RLBP1: variants seen among roughly 807,000 people sequenced by gnomAD.
The protein encoded by RLBP1 is retinaldehyde binding protein 1, also known as retinaldehyde-binding protein 1.
A neutral mutation model predicts 36.2 loss-of-function variants in RLBP1; 26 were observed. The observed-to-expected ratio is 0.72, with a 90% CI of 0.53 to 1.00. The LOEUF (loss-of-function observed/expected upper bound fraction) is 1.00. RLBP1 is among the 50% of genes least tolerant of loss of function. RLBP1 has a pLI of 0.00. For synonymous variants in RLBP1, 155 were observed against 156.2 expected (o/e 0.99, Z 0.06); for missense variants, 410 against 402.4 (o/e 1.02, Z -0.16).
intron 2 of RLBP1, 132 bp from the exon 3 acceptor site, chr15:89,219,207 T>A: frequency 1.6e-6 from 1 of 613,448 alleles, no homozygotes; most frequent in Admixed American, 2.6e-5. Flanking sequence ...TGATTCTGAC[T>A]CTGCAGGTGC....
At position 89,215,893 on chromosome 15, in the gene RLBP1, C is replaced by T. The variant is rs1172488129; in HGVS notation, c.347-655G>A. 2.0e-5 allele frequency among the ~76,000 whole-genome samples: 3 copies of T among 152,182 alleles called. No individual in the cohort carries two copies. The East Asian group carries it at 5.8e-4, about 29-fold the overall frequency. On this transcript the variant is annotated intron_variant, in intron 5 of 8. Transcript: ENST00000268125. ...GCCTTTGTCTTTGCTGTTGCCTCTG[C>T]CCTGGCTGCTCTTCCCCACAGATAT...
In RLBP1 at chr15:89,218,068, C is replaced by T. The variant is rs937757234; in HGVS notation, c.141+497G>A. Among the ~76,000 whole-genome samples the T allele has an allele frequency of 6.6e-6, 1 of 152,194 alleles. No individual in the cohort carries two copies. The highest frequency in any genetic ancestry group is 2.4e-5 in the African/African-American group (1 of 41,448). On this transcript the variant is annotated intron_variant, in intron 4 of 8. Transcript: ENST00000268125. This position sits in a 1 kb window ranked among gnomAD's most constrained non-coding sequence, Gnocchi z 4.6. ...GCCACTTCTCATCCTCCCCAGCAGCCCTAAGACAGCTCTGTCAGCCTCCAC... is the reference window on the plus strand; with the variant it reads ...GCCACTTCTCATCCTCCCCAGCAGCTCTAAGACAGCTCTGTCAGCCTCCAC...
chr15:89,219,071 C>T lies in RLBP1; in HGVS notation c.-96G>A. ...CGGCCCCTTCCCTAGGATAGGAAGT[C>T]AGGGCTGCAGGGGTTAGAAAAACCA... On this transcript the variant is annotated 5_prime_UTR_variant, in exon 3 of 9. Coordinates refer to ENST00000268125, the MANE Select transcript of RLBP1 (RefSeq NM_000326.5). 4.3e-6 allele frequency: 6 copies of T among 1,405,170 alleles called. No homozygotes were observed. The highest frequency in any genetic ancestry group is 5.0e-6 in the Non-Finnish European group (5 of 992,564). 87.0% of individuals were successfully genotyped at this position (1,405,170 alleles called of 1,614,324 possible). A position where few individuals can be genotyped will look rare whatever the true frequency, so the allele number is the denominator to read the frequency against.
rs1489854114 is a variant in RLBP1 at position 89,214,245 on chromosome 15, G to A, written c.525+815C>T. On this transcript the variant is annotated intron_variant, in intron 6 of 8. Transcript: ENST00000268125. This position sits in a 1 kb window ranked among gnomAD's most constrained non-coding sequence, Gnocchi z 4.6. Reference sequence around the variant, plus strand: ...GGAGGCCGAGGTGGGCGGATCACTTGAGCTCAGGAGTTTGAGACCAGCCTG... The same window carrying A: ...GGAGGCCGAGGTGGGCGGATCACTTAAGCTCAGGAGTTTGAGACCAGCCTG... 1.3e-5 allele frequency among the ~76,000 whole-genome samples: 2 copies of A among 152,102 alleles called. No individual in the cohort carries two copies. The highest frequency in any genetic ancestry group is 1.3e-4 in the Admixed American group (2 of 15,256).
chr15:89,215,964 C>T (rs1401925321), intron 5 of RLBP1, among the ~76,000 whole-genome samples: 1 of 152,238 alleles, frequency 6.6e-6, no homozygotes, highest in Non-Finnish European at 1.5e-5. Flanking sequence ...TGCACTGGGA[C>T]TTCCCTGGCC....
rs1285834920 is a variant in RLBP1, at chr15:89,211,148, G to A, written c.685-339C>T. Among the ~76,000 whole-genome samples the A allele has an allele frequency of 6.6e-6, 1 of 152,206 alleles. No homozygotes were observed. Among genetic ancestry groups the A allele is most frequent in the Non-Finnish European group, 1.5e-5 (1 of 68,032 alleles). On this transcript the variant is annotated intron_variant, in intron 7 of 8. Coordinates refer to ENST00000268125, the MANE Select transcript of RLBP1 (RefSeq NM_000326.5). This position sits in a 1 kb window ranked among gnomAD's most constrained non-coding sequence, Gnocchi z 5.8. ...AACCCACTTGCCTGCCGAAGGGACT[G>A]CAAACTATTACAAACGACAGGAACA... is the stretch of plus-strand genomic sequence containing the variant.
rs759665742 is a variant in RLBP1 at position 89,210,348 on chromosome 15, A to T, written c.891T>A (p.Asp297Glu). The change falls in exon 9 of 9, where the codon GAT becomes GAA. Residue 297 changes from aspartate (D) to glutamate (E), a missense_variant. Coordinates refer to ENST00000268125, the MANE Select transcript of RLBP1 (RefSeq NM_000326.5). This position sits in a 1 kb window ranked among gnomAD's most constrained non-coding sequence, Gnocchi z 4.7. The stretch of plus-strand genomic sequence containing the variant: ...AGAGCTGCTCAGCAACGGCCTTGCC[A>T]TCATACTTGGGCAGCGTGCCCCCGA... ...SDFGGTLPKYDGKAVAEQLFG... is the reference protein window; with the variant it reads ...SDFGGTLPKYEGKAVAEQLFG... 2 of 1,614,232 alleles carry T rather than the reference A, an allele frequency of 1.2e-6. No homozygotes were observed. Among genetic ancestry groups the T allele is most frequent in the Admixed American group, 1.7e-5 (1 of 60,034 alleles).
chr15:89,210,441 G>C lies in RLBP1; in HGVS notation c.798C>G (p.Val266=). ...PFLKSKLLER[V]FVHGDDLSGF... is the part of the protein sequence containing the mutation. ...CAGAAAGGTCATCCCCGTGGACAAA[G>C]ACCTGCAGGGAAGCAAGGGAGACAG... is the stretch of plus-strand genomic sequence containing the variant. The change falls in exon 9 of 9, where the codon GTC becomes GTG. Residue 266 remains valine, a splice_region_variant and synonymous_variant. Coordinates refer to ENST00000268125, the MANE Select transcript of RLBP1 (RefSeq NM_000326.5). The surrounding 1 kb of genome is among the most constrained non-coding windows in gnomAD (Gnocchi z 4.7). 2 of 1,614,140 alleles carry C rather than the reference G, an allele frequency of 1.2e-6. No homozygotes were observed. Among genetic ancestry groups the C allele is most frequent in the Non-Finnish European group, 8.5e-7 (1 of 1,180,024 alleles).
chr15:89,220,777 A>G (rs534619974), intron 1 of RLBP1, among the ~76,000 whole-genome samples: 2 of 152,294 alleles, frequency 1.3e-5, no homozygotes, highest in East Asian at 3.9e-4. Flanking sequence ...ACCCCCAGCC[A>G]GTTGTGCAGA....
Position 89,218,508 on chromosome 15 carries a change from T to C in RLBP1, c.141+57A>G, listed in dbSNP as rs2051600451. On this transcript the variant is annotated intron_variant, in intron 4 of 8. Transcript: ENST00000268125. This position sits in a 1 kb window ranked among gnomAD's most constrained non-coding sequence, Gnocchi z 4.6. Reference sequence around the variant, plus strand: ...TTTCACAGGAGAGAGAATGCAGTCATGTTCCCCTCATGTTGCCTCCCTAGG... The same window carrying C: ...TTTCACAGGAGAGAGAATGCAGTCACGTTCCCCTCATGTTGCCTCCCTAGG... The C allele has an allele frequency of 1.9e-6, 3 of 1,611,996 alleles. No homozygotes were observed. The highest frequency in any genetic ancestry group is 2.7e-5 in the African/African-American group (2 of 75,030).
intron 5 of RLBP1, among the ~76,000 whole-genome samples, chr15:89,216,615 A>C (rs1382210217): frequency 6.6e-6 from 1 of 152,134 alleles, no homozygotes; most frequent in Non-Finnish European, 1.5e-5. Context: ...AGCCACCGCA[A>C]CCGGCCGATG....
At chr15:89,217,805 T>C (rs1346553058) in intron 4 of RLBP1, among the ~76,000 whole-genome samples, 2 of 152,082 alleles carry the variant, frequency 1.3e-5, no homozygotes, top group Non-Finnish European at 2.9e-5. Context: ...TTGATTCTGA[T>C]TTTTTCAAAA....
In RLBP1 at chr15:89,214,448, C is replaced by T. The variant is rs1289806402; in HGVS notation, c.525+612G>A. Among the ~76,000 whole-genome samples, 1 of 151,964 alleles carries T rather than the reference C, an allele frequency of 6.6e-6. No homozygotes were observed. Among genetic ancestry groups the T allele is most frequent in the Non-Finnish European group, 1.5e-5 (1 of 68,008 alleles). ...TGCACTCCAGCCTGGGTGACCAGAG[C>T]GAGACTCCATCTCAAAAATAAATAA... On this transcript the variant is annotated intron_variant, in intron 6 of 8. Transcript: ENST00000268125. The surrounding 1 kb of genome is among the most constrained non-coding windows in gnomAD (Gnocchi z 4.6).
chr15:89,216,612 G>T (rs997842284), intron 5 of RLBP1, among the ~76,000 whole-genome samples: 8 of 152,208 alleles, frequency 5.3e-5, no homozygotes, highest in Admixed American at 1.3e-4. Context: ...GTGAGCCACC[G>T]CAACCGGCCG....
At chr15:89,213,573 G>A (rs950086085) in intron 6 of RLBP1, among the ~76,000 whole-genome samples, 6 of 152,118 alleles carry the variant, frequency 3.9e-5, no homozygotes, top group African/African-American at 7.2e-5. Flanking sequence ...TGTGCACAAC[G>A]TTGTGAGGAA....
rs530961584 is a variant in RLBP1 at position 89,210,533 on chromosome 15, C to G, written c.796-90G>C. ...AGGAAAGGGGCAGGAGGACAAAGCCCCATCATGTGCAGTCTTTGCCTGGCG... is the reference window on the plus strand; with the variant it reads ...AGGAAAGGGGCAGGAGGACAAAGCCGCATCATGTGCAGTCTTTGCCTGGCG... On this transcript the variant is annotated intron_variant, in intron 8 of 8. Transcript: ENST00000268125. This position sits in a 1 kb window ranked among gnomAD's most constrained non-coding sequence, Gnocchi z 4.7. The G allele has an allele frequency of 6.1e-5, 90 of 1,466,014 alleles. 1 individual carries two copies. In the South Asian group the frequency reaches 1.0e-3, roughly 17 times the overall value. 90.8% of individuals were successfully genotyped at this position (1,466,014 alleles called of 1,614,324 possible).
intron 4 of RLBP1, among the ~76,000 whole-genome samples, 155 bp from the exon 5 acceptor site, chr15:89,217,479 C>A (rs562677412): frequency 6.6e-6 from 1 of 152,208 alleles, no homozygotes; most frequent in African/African-American, 2.4e-5. Context: ...GCAGCATCTG[C>A]ACTGGCAACA....
Position 89,211,806 on chromosome 15 carries a change from A to G in RLBP1, c.621T>C (p.Phe207=). The change falls in exon 7 of 9, where the codon TTT becomes TTC. Residue 207 remains phenylalanine (F), a synonymous_variant. Transcript: ENST00000268125. The surrounding 1 kb of genome is among the most constrained non-coding windows in gnomAD (Gnocchi z 5.8). ...GFCIIENFKG[F]TMQQAASLRT... ...GGAGACTAGCAGCCTGCTGCATGGT[A>G]AAGCCCTTGAAGTTCTCAATGATGC... The G allele has an allele frequency of 6.2e-7, 1 of 1,614,218 alleles. No individual in the cohort carries two copies. Among genetic ancestry groups the G allele is most frequent in the Non-Finnish European group, 8.5e-7 (1 of 1,180,032 alleles).
At position 89,210,498 on chromosome 15, in the gene RLBP1, G is replaced by T; in HGVS notation, c.796-55C>A. 2 of 1,598,524 alleles carry T rather than the reference G, an allele frequency of 1.3e-6. No homozygotes were observed. The highest frequency in any genetic ancestry group is 1.1e-5 in the South Asian group (1 of 90,468). ...GCAGGAGGAGGTGCCCTAAGGATGA[G>T]GGTTGAGGGAGGAAAGGGGCAGGAG... On this transcript the variant is annotated intron_variant, in intron 8 of 8. Transcript: ENST00000268125. This position sits in a 1 kb window ranked among gnomAD's most constrained non-coding sequence, Gnocchi z 4.7.
Sources: allele counts gnomAD v4.1 joint callset (sites outside exome capture counted in the v4.1 genomes callset), GRCh38; gene constraint gnomAD v4.1.1; non-coding constraint Gnocchi (gnomAD v3.1); transcripts MANE v1.5; gene names NCBI Gene and HGNC (gene_info 2026-07-23, HGNC 2026-07-21).